The following MCF2L2 variants were observed in gnomAD, a reference collection of about 807,000 sequenced individuals.
MCF2L2 encodes the protein probable guanine nucleotide exchange factor MCF2L2.
In MCF2L2, 102 loss-of-function variants were observed where a neutral mutation model predicts 150.2. The ratio of observed to expected loss-of-function variants is 0.68; its 90% confidence interval spans 0.58 to 0.80. The LOEUF (loss-of-function observed/expected upper bound fraction) is 0.80. Among genes scored for constraint, MCF2L2 ranks in the 30% least tolerant of loss-of-function variants. The probability of loss-of-function intolerance (pLI) is 0.00; values close to 1 mark genes in which losing one functional copy is unlikely to be tolerated. For synonymous variants in MCF2L2, 465 were observed against 491.3 expected (o/e 0.95, Z 0.71); for missense variants, 1,256 against 1,372.8 (o/e 0.91, Z 1.34).
At chr3:183,226,853 T>A (rs959398101) in intron 18 of MCF2L2, 4 of 152,182 alleles carry the variant, frequency 2.6e-5, no homozygotes, top group African/African-American at 9.7e-5. Context: ...TTCAAAAAAA[T>A]TAATGAATCA....
intron 6 of MCF2L2, among the ~76,000 whole-genome samples, chr3:183,319,033 A>G (rs1278707156): frequency 3.9e-5 from 6 of 152,224 alleles, no homozygotes; most frequent in Admixed American, 2.6e-4. Context: ...TCCTTTCATG[A>G]AAGAATTCTC....
At chr3:183,324,113 A>ACTGGTGCGCCCCGATG in intron 5 of MCF2L2, among the ~76,000 whole-genome samples, 1 of 152,336 alleles carries the variant, frequency 6.6e-6, no homozygotes, top group South Asian at 2.1e-4. Flanking sequence ...AGGGAAACAC[A>ACTGGTGCGCCCCGATG]AAGAGTATGC....
intron 1 of MCF2L2, among the ~76,000 whole-genome samples, chr3:183,424,777 AC>A (rs1315487091): frequency 1.3e-5 from 2 of 152,226 alleles, no homozygotes; most frequent in Non-Finnish European, 2.9e-5. Flanking sequence ...AAAGGTGTGT[AC>A]TATTTCTGTG....
intron 15 of MCF2L2, chr3:183,271,110 T>A (rs1233183718): frequency 3.8e-6 from 2 of 528,852 alleles, no homozygotes; most frequent in East Asian, 6.7e-5. Context: ...ACTTATCTAC[T>A]TCATTGCCTA....
At chr3:183,183,548 C>T (rs1348905376) in intron 27 of MCF2L2, among the ~76,000 whole-genome samples, 1 of 152,200 alleles carries the variant, frequency 6.6e-6, no homozygotes, top group Non-Finnish European at 1.5e-5. Flanking sequence ...ACCTGATTCT[C>T]ACTCTGTCAC....
At chr3:183,217,999 A>C (rs1723007206) in intron 21 of MCF2L2, among the ~76,000 whole-genome samples, 1 of 152,204 alleles carries the variant, frequency 6.6e-6, no homozygotes, top group African/African-American at 2.4e-5. Context: ...CACATAAAAA[A>C]ATTTTGGTTT....
intron 1 of MCF2L2, among the ~76,000 whole-genome samples, chr3:183,425,239 G>A (rs1716100650): frequency 6.6e-6 from 1 of 152,154 alleles, no homozygotes; most frequent in African/African-American, 2.4e-5. Context: ...TGGAAATATG[G>A]GAGTGGGTGA....
chr3:183,270,410 T>A lies in MCF2L2; in HGVS notation c.1862+6462A>T, dbSNP rs764354287. ...TATTTATTCACATGCCAAATCTGAT[T>A]GAGTACCTTCAAAGTTTAGAACAAA... On this transcript the variant is annotated intron_variant, in intron 15 of 29. Transcript: ENST00000328913. The surrounding 1 kb of genome is among the most constrained non-coding windows in gnomAD (Gnocchi z 4.5). 1 of 1,614,240 alleles carries A rather than the reference T, an allele frequency of 6.2e-7. No individual in the cohort carries two copies. The highest frequency in any genetic ancestry group is 1.1e-5 in the South Asian group (1 of 91,086).
chr3:183,295,190 T>C (rs1728423694), intron 13 of MCF2L2, 110 bp downstream of exon 13: 6 of 1,129,110 alleles, frequency 5.3e-6, no homozygotes, highest in Admixed American at 2.5e-5. Flanking sequence ...TTGTTTTAAA[T>C]AGTATCTGTT....
At chr3:183,392,172 A>G (rs1714192730) in intron 1 of MCF2L2, among the ~76,000 whole-genome samples, 1 of 152,262 alleles carries the variant, frequency 6.6e-6, no homozygotes, top group Admixed American at 6.5e-5. Flanking sequence ...TAAAGATGTA[A>G]GATCTGAAAG....
intron 5 of MCF2L2, among the ~76,000 whole-genome samples, chr3:183,334,280 T>C (rs1016625307): frequency 4.6e-5 from 7 of 152,102 alleles, no homozygotes; most frequent in African/African-American, 1.7e-4. Flanking sequence ...TAAAGAGAGA[T>C]TGGACTTTTT....
intron 10 of MCF2L2, among the ~76,000 whole-genome samples, chr3:183,306,682 T>C (rs183685113): frequency 8.5e-5 from 13 of 152,332 alleles, no homozygotes; most frequent in African/African-American, 3.1e-4. Context: ...TTGTTGAAAT[T>C]GAATGATGGA....
intron 6 of MCF2L2, among the ~76,000 whole-genome samples, chr3:183,322,140 C>T (rs933995910): frequency 6.6e-5 from 10 of 152,182 alleles, no homozygotes; most frequent in Non-Finnish European, 7.3e-5. Context: ...TTTGAGGGGA[C>T]GCCAACATTC....
At chr3:183,339,157 T>G (rs1198122900) in intron 4 of MCF2L2, among the ~76,000 whole-genome samples, 1 of 152,202 alleles carries the variant, frequency 6.6e-6, no homozygotes, top group Non-Finnish European at 1.5e-5. Context: ...GTTTTCTGAT[T>G]ATAAAAATAA....
intron 1 of MCF2L2, among the ~76,000 whole-genome samples, chr3:183,422,053 A>C (rs575266306): frequency 6.6e-6 from 1 of 152,330 alleles, no homozygotes; most frequent in African/African-American, 2.4e-5. Flanking sequence ...GTTTTCAACA[A>C]TGCCCTGGGG....
chr3:183,195,308 T>C, intron 25 of MCF2L2, 53 bp from the exon 26 acceptor site: 1 of 1,251,416 alleles, frequency 8.0e-7, no homozygotes, highest in Non-Finnish European at 1.2e-6. Context: ...CTAATTTGAA[T>C]TGATTTTACA....
intron 20 of MCF2L2, among the ~76,000 whole-genome samples, chr3:183,221,911 T>C (rs958974712): frequency 6.6e-6 from 1 of 152,176 alleles, no homozygotes; most frequent in Non-Finnish European, 1.5e-5. Context: ...AGTACCCTCA[T>C]TTTACATAGA....
At chr3:183,416,795 T>C (rs1201749394) in intron 1 of MCF2L2, among the ~76,000 whole-genome samples, 26 of 152,018 alleles carry the variant, frequency 1.7e-4, no homozygotes, top group Admixed American at 1.7e-3. Flanking sequence ...AGCATTTATA[T>C]TGTATTAGGT....
chr3:183,286,633 A>G (rs575282444), intron 14 of MCF2L2, among the ~76,000 whole-genome samples: 1 of 152,368 alleles, frequency 6.6e-6, no homozygotes, highest in East Asian at 1.9e-4. Context: ...GTGAAACACT[A>G]ATTGCATTTA....
Sources: gnomAD v4.1 joint callset for allele counts (sites outside exome capture counted in the v4.1 genomes callset) on GRCh38, gnomAD v4.1.1 for gene constraint, Gnocchi (gnomAD v3.1) non-coding constraint, MANE v1.5 for transcripts, NCBI Gene and HGNC (gene_info 2026-07-23, HGNC 2026-07-21) for gene names.